The following ADH1B variants were observed in gnomAD, a reference collection of about 807,000 sequenced individuals.
ADH1B encodes alcohol dehydrogenase 1B (class I), beta polypeptide.
ADH1B carries 29 observed loss-of-function variants against 34.6 expected under a neutral mutation model. The ratio of observed to expected loss-of-function variants is 0.84; its 90% CI spans 0.62 to 1.14. ADH1B has a LOEUF of 1.14. Ranked by LOEUF, ADH1B falls within the 50% of genes most tolerant of loss-of-function variation. ADH1B has a pLI of 0.00. For missense variants in ADH1B, 424 were observed against 468.4 expected, an observed-to-expected ratio of 0.91 and a Z score of 0.87; for synonymous variants, 170 against 175.5, an observed-to-expected ratio of 0.97 and a Z score of 0.25.
At chr4:99,313,677 A>G in intron 6 of ADH1B, 144 bp downstream of exon 6, 1 of 1,462,574 alleles carries the variant, frequency 6.8e-7, no homozygotes, top group South Asian at 1.4e-5. Flanking sequence ...AACAAAAATT[A>G]AACAAGCCAC....
chr4:99,311,742 C>T, intron 6 of ADH1B, 86 bp from the exon 7 acceptor site: 1 of 1,547,554 alleles, frequency 6.5e-7, no homozygotes, highest in Non-Finnish European at 8.8e-7. Flanking sequence ...ATAGGCTTAA[C>T]TGGATTGTGA....
intron 6 of ADH1B, among the ~76,000 whole-genome samples, chr4:99,312,194 G>T (rs1355267834): frequency 7.2e-5 from 11 of 152,202 alleles, no homozygotes; most frequent in Non-Finnish European, 5.9e-5. Flanking sequence ...AATGGTTAAA[G>T]ATCCCCGTAG....
chr4:99,316,451 G>A (rs1418070771), intron 3 of ADH1B, 149 bp from the exon 4 acceptor site: 2 of 837,048 alleles, frequency 2.4e-6, no homozygotes, highest in African/African-American at 3.5e-5. Flanking sequence ...ATCTTTCAAT[G>A]CCTGCCACAG....
chr4:99,321,236 TATTC>T (rs990587618), intron 1 of ADH1B, 74 bp downstream of exon 1: 1 of 1,295,162 alleles, frequency 7.7e-7, no homozygotes. Context: ...AATTTTAAAT[TATTC>T]ATCAAATACT....
At position 99,307,460 on chromosome 4, in the gene ADH1B, G is replaced by A. The variant is rs548914849; in HGVS notation, c.*380C>T. 3.6e-6 allele frequency: 1 copy of A among 280,000 alleles called. No individual in the cohort carries two copies. The highest frequency in any genetic ancestry group is 2.3e-5 in the African/African-American group (1 of 43,444). The allele number at this position is 280,000 out of a possible 1,614,324, so 17.3% of individuals were successfully genotyped here. ...GACTTCAATCACAATGGCCCAGCAT[G>A]TGTATGTTCAGGGCAAGTAAAAGGG... On this transcript the variant is annotated 3_prime_UTR_variant, in exon 9 of 9. Transcript: ENST00000305046.
Position 99,310,759 on chromosome 4 carries a change from A to G in ADH1B, c.1103+6T>C, listed in dbSNP as rs762756365. On this transcript the variant is annotated splice_donor_region_variant and intron_variant, in intron 8 of 8. Coordinates refer to ENST00000305046, the MANE Select transcript of ADH1B (RefSeq NM_000668.6). ...AAGCAAAACAGAAAACTAACTTAAA[A>G]TCTACCTTTTCCCAGAGTGAAGCAG... 4.2e-5 allele frequency: 67 copies of G among 1,603,650 alleles called. No individual in the cohort carries two copies. The highest frequency in any genetic ancestry group is 1.7e-4 in the Middle Eastern group (1 of 6,026).
At position 99,306,417 on chromosome 4, in the gene ADH1B, C is replaced by T. The variant is rs1733611859; in HGVS notation, c.*1423G>A. On this transcript the variant is annotated 3_prime_UTR_variant, in exon 9 of 9. Coordinates refer to ENST00000305046, the MANE Select transcript of ADH1B (RefSeq NM_000668.6). ...ATCATCCCATTTAATCTTGGTTAAG[C>T]TGTAATGGATTGGTTGAGTAATTTT... 1 of 152,080 alleles carries T rather than the reference C, an allele frequency of 6.6e-6. No homozygotes were observed. Among genetic ancestry groups the T allele is most frequent in the Non-Finnish European group, 1.5e-5 (1 of 68,024 alleles). 9.4% of individuals were successfully genotyped at this position (152,080 alleles called of 1,614,324 possible). A position where few individuals can be genotyped will look rare whatever the true frequency, so the allele number is the denominator to read the frequency against.
At chr4:99,318,720 T>A (rs2110638756) in intron 2 of ADH1B, 65 bp downstream of exon 2, 2 of 1,476,582 alleles carry the variant, frequency 1.4e-6, no homozygotes, top group Non-Finnish European at 1.9e-6. Flanking sequence ...TTTGGATGTT[T>A]CCATTTTTAA....
In ADH1B at chr4:99,310,916, C is replaced by G; in HGVS notation, c.965-13G>C. On this transcript the variant is annotated splice_polypyrimidine_tract_variant and intron_variant, in intron 7 of 8. Transcript: ENST00000305046. Reference sequence around the variant, plus strand: ...TTACTCTTAAAGCCTGAAAAGAAGACAGTATCATTGTTGGATTCAGCTAGG... The same window carrying G: ...TTACTCTTAAAGCCTGAAAAGAAGAGAGTATCATTGTTGGATTCAGCTAGG... 1 of 1,610,418 alleles carries G rather than the reference C, an allele frequency of 6.2e-7. No homozygotes were observed. Among genetic ancestry groups the G allele is most frequent in the Non-Finnish European group, 8.5e-7 (1 of 1,178,842 alleles).
chr4:99,314,065 G>A lies in ADH1B; in HGVS notation c.584C>T (p.Thr195Ile), dbSNP rs557448763. The A allele has an allele frequency of 3.5e-5, 57 of 1,614,204 alleles. No individual in the cohort carries two copies. In the South Asian group the frequency reaches 4.5e-4, roughly 13 times the overall value. Reference sequence around the variant, plus strand: ...CCCTCCCAGGCCAAACACAGCACAGGTAGAGCCTGGGGTGACCTGTGTTTT... The same window carrying A: ...CCCTCCCAGGCCAAACACAGCACAGATAGAGCCTGGGGTGACCTGTGTTTT... ...VNVAKVTPGS[T>I]CAVFGLGGVG... The change falls in exon 6 of 9, where the codon ACC becomes ATC. Residue 195 changes from threonine (T) to isoleucine (I), a missense_variant. Around this residue, in one of 3 missense-constraint regions of ADH1B, gnomAD observed 291 missense variants for 300.4 expected, o/e 0.97. Transcript: ENST00000305046.
At chr4:99,310,729 A>G (rs1457638578) in intron 8 of ADH1B, 36 bp downstream of exon 8, 3 of 1,594,246 alleles carry the variant, frequency 1.9e-6, no homozygotes, top group Non-Finnish European at 2.6e-6. Flanking sequence ...CTATGGTAGA[A>G]AAAAAAGCAA....
At chr4:99,310,098 T>C (rs1733712518) in intron 8 of ADH1B, among the ~76,000 whole-genome samples, 1 of 152,166 alleles carries the variant, frequency 6.6e-6, no homozygotes, top group Admixed American at 6.6e-5. Flanking sequence ...GGTGACAAAA[T>C]TCATTTTAAT....
chr4:99,320,940 AAAT>A (rs1490724588), intron 1 of ADH1B: 6 of 1,242,578 alleles, frequency 4.8e-6, no homozygotes, highest in Non-Finnish European at 6.2e-6. Context: ...ATTTGAATAA[AAAT>A]AATAACACAT....
intron 3 of ADH1B, chr4:99,317,839 A>G (rs1344133795): frequency 1.4e-6 from 1 of 726,562 alleles, no homozygotes; most frequent in African/African-American, 1.8e-5. Flanking sequence ...CTCGGTACAT[A>G]ATGGTTGAAG....
chr4:99,318,198 A>C lies in ADH1B; in HGVS notation c.121-14T>G, dbSNP rs1294041052. On this transcript the variant is annotated splice_polypyrimidine_tract_variant and intron_variant, in intron 2 of 8. Coordinates refer to ENST00000305046, the MANE Select transcript of ADH1B (RefSeq NM_000668.6). Reference sequence around the variant, plus strand: ...TACAGCCACCATCTACAGAATAAAGAGAAGCTGTTCAGATTCAGAAAAGAT... The same window carrying C: ...TACAGCCACCATCTACAGAATAAAGCGAAGCTGTTCAGATTCAGAAAAGAT... 2.5e-6 allele frequency: 4 copies of C among 1,613,804 alleles called. No individual in the cohort carries two copies. The highest frequency in any genetic ancestry group is 3.4e-6 in the Non-Finnish European group (4 of 1,179,896).
In ADH1B at chr4:99,305,700, T is replaced by A. The variant is rs902906255; in HGVS notation, c.*2140A>T. 7 of 150,052 alleles carry A rather than the reference T, an allele frequency of 4.7e-5. No homozygotes were observed. The highest frequency in any genetic ancestry group is 1.7e-4 in the African/African-American group (7 of 40,670). 9.3% of individuals were successfully genotyped at this position (150,052 alleles called of 1,614,324 possible). ...AGAAGGCTCCCACATGCCACTCCCA[T>A]CCCATGGAGGACTTGCCACTCTATG... is the stretch of plus-strand genomic sequence containing the variant. On this transcript the variant is annotated 3_prime_UTR_variant, in exon 9 of 9. Transcript: ENST00000305046.
Position 99,321,365 on chromosome 4 carries a change from G to C in ADH1B, c.-34C>G, listed in dbSNP as rs1734023069. 6.2e-7 allele frequency: 1 copy of C among 1,608,074 alleles called. No individual in the cohort carries two copies. ...TGTCTTCTCTGCCCACCAGCAGACTGTGAGTCTTTGTGGATTTCTTCTCTG... is the reference window on the plus strand; with the variant it reads ...TGTCTTCTCTGCCCACCAGCAGACTCTGAGTCTTTGTGGATTTCTTCTCTG... On this transcript the variant is annotated 5_prime_UTR_variant, in exon 1 of 9. Coordinates refer to ENST00000305046, the MANE Select transcript of ADH1B (RefSeq NM_000668.6).
At chr4:99,311,013 G>C in intron 7 of ADH1B, 110 bp from the exon 8 acceptor site, 1 of 1,291,610 alleles carries the variant, frequency 7.7e-7, no homozygotes, top group Non-Finnish European at 1.1e-6. Context: ...ATTCCAGACT[G>C]CTATAACTGA....
At chr4:99,311,916 C>G (rs1733764224) in intron 6 of ADH1B, among the ~76,000 whole-genome samples, 1 of 152,072 alleles carries the variant, frequency 6.6e-6, no homozygotes, top group South Asian at 2.1e-4. Context: ...ATTTTGAACC[C>G]AGTACTTTCA....
Sources: allele counts gnomAD v4.1 joint callset (sites outside exome capture counted in the v4.1 genomes callset), GRCh38; gene constraint gnomAD v4.1.1; regional missense constraint gnomAD v4.1.1; transcripts MANE v1.5; gene names NCBI Gene and HGNC (gene_info 2026-07-23, HGNC 2026-07-21).